Variants in CLSPN observed in about 807,000 individuals in gnomAD.
CLSPN encodes claspin, also known as claspin homolog.
In CLSPN, 85 loss-of-function variants were observed where a neutral mutation model predicts 156.3. The observed-to-expected ratio is 0.54, with a 90% CI of 0.46 to 0.65. The LOEUF is 0.65. Among genes scored for constraint, CLSPN ranks in the 30% least tolerant of loss-of-function variants. The pLI, the probability that CLSPN is intolerant of heterozygous loss-of-function variation, is 0.00. For synonymous variants in CLSPN, 534 were observed against 542.4 expected (o/e 0.98, Z 0.22); for missense variants, 1,407 against 1,554.9 (o/e 0.90, Z 1.60).
downstream of CLSPN, among the ~76,000 whole-genome samples, chr1:35,728,261 T>G (rs1012461961): frequency 6.6e-6 from 1 of 152,042 alleles, no homozygotes; most frequent in Non-Finnish European, 1.5e-5. Flanking sequence ...TTTGTATTTT[T>G]TGTAGAGATG....
At chr1:35,763,958 C>T (rs1419655568) in intron 3 of CLSPN, among the ~76,000 whole-genome samples, 1 of 152,022 alleles carries the variant, frequency 6.6e-6, no homozygotes, top group Non-Finnish European at 1.5e-5. Flanking sequence ...GGCCACCACA[C>T]CCAACTAATT....
chr1:35,729,978 A>G (rs1299889523), downstream of CLSPN, among the ~76,000 whole-genome samples: 1 of 151,266 alleles, frequency 6.6e-6, no homozygotes, highest in Non-Finnish European at 1.5e-5. Flanking sequence ...GCAAGGACTA[A>G]AGCTCTACAC....
chr1:35,726,626 G>C (rs1031790535), intron 24 of CLSPN, among the ~76,000 whole-genome samples: 2 of 152,204 alleles, frequency 1.3e-5, no homozygotes, highest in African/African-American at 4.8e-5. Context: ...ACCGTTAGCA[G>C]AACAGGGAGA....
chr1:35,753,663 C>T, intron 9 of CLSPN, 82 bp downstream of exon 9: 1 of 1,328,774 alleles, frequency 7.5e-7, no homozygotes, highest in Non-Finnish European at 1.1e-6. Context: ...TATAACTTTT[C>T]ATTATAAGGT....
intron 14 of CLSPN, 40 bp downstream of exon 14, chr1:35,747,867 C>G: frequency 4.4e-6 from 7 of 1,595,706 alleles, no homozygotes; most frequent in Non-Finnish European, 6.0e-6. Context: ...TAAGCAGTAC[C>G]CAGCACCATT....
Position 35,748,400 on chromosome 1 carries a change from C to G in CLSPN, c.2472+5G>C, listed in dbSNP as rs368047896. ...AGGAGATTAGAAAAACCATTACCAT[C>G]TTACCTTAGAAGCTGAGCTGACCAA... On this transcript the variant is annotated splice_donor_5th_base_variant and intron_variant, in intron 13 of 24. Coordinates refer to ENST00000318121, the MANE Select transcript of CLSPN (RefSeq NM_022111.4). 1 of 1,612,932 alleles carries G rather than the reference C, an allele frequency of 6.2e-7. No homozygotes were observed. Among genetic ancestry groups the G allele is most frequent in the Non-Finnish European group, 8.5e-7 (1 of 1,179,064 alleles).
chr1:35,727,689 G>A (rs973028349), downstream of CLSPN, among the ~76,000 whole-genome samples: 2 of 152,176 alleles, frequency 1.3e-5, no homozygotes, highest in Non-Finnish European at 2.9e-5. Context: ...TTCATTCAAC[G>A]AGCATTTGTT....
chr1:35,722,231 T>C (rs767558337), intron 24 of CLSPN, among the ~76,000 whole-genome samples: 4 of 151,354 alleles, frequency 2.6e-5, no homozygotes, highest in Non-Finnish European at 4.4e-5. Flanking sequence ...TCAATTCCAT[T>C]GTTCTAAAAA....
intron 1 of CLSPN, among the ~76,000 whole-genome samples, chr1:35,766,871 C>T (rs1212827028): frequency 6.6e-6 from 1 of 152,090 alleles, no homozygotes; most frequent in Non-Finnish European, 1.5e-5. Flanking sequence ...TCTCCAGCCT[C>T]AGCCTCCCGA....
At chr1:35,726,123 C>T (rs892260373) in intron 24 of CLSPN, among the ~76,000 whole-genome samples, 2 of 131,046 alleles carry the variant, frequency 1.5e-5, no homozygotes, top group Non-Finnish European at 3.1e-5. Context: ...GCCAGGTTTT[C>T]CTCACACACC....
intron 24 of CLSPN, among the ~76,000 whole-genome samples, chr1:35,726,337 G>A (rs1328839866): frequency 1.3e-5 from 2 of 152,014 alleles, no homozygotes; most frequent in Non-Finnish European, 2.9e-5. Context: ...CCTCTTCCCA[G>A]ACCCTTTCCT....
intron 4 of CLSPN, 67 bp downstream of exon 4, chr1:35,763,093 T>C: frequency 1.5e-6 from 2 of 1,293,628 alleles, no homozygotes; most frequent in Non-Finnish European, 1.0e-6. Context: ...GTTCCAACAG[T>C]AAATTAAAAA....
At chr1:35,721,890 G>T (rs1641080979) in intron 24 of CLSPN, among the ~76,000 whole-genome samples, 1 of 151,738 alleles carries the variant, frequency 6.6e-6, no homozygotes, top group Admixed American at 6.6e-5. Context: ...TGTAATCCCA[G>T]CACTTTGGGA....
chr1:35,739,601 C>A (rs1185946967), intron 18 of CLSPN, 72 bp from the exon 19 acceptor site: 4 of 1,145,414 alleles, frequency 3.5e-6, no homozygotes. Flanking sequence ...CAAAGAAAAG[C>A]AGAACAGAGT....
rs772624156 is a variant in CLSPN at position 35,739,471 on chromosome 1, C to T, written c.3202G>A (p.Glu1068Lys). 1.1e-4 allele frequency: 179 copies of T among 1,613,900 alleles called. No individual in the cohort carries two copies. The highest frequency in any genetic ancestry group is 1.5e-4 in the Non-Finnish European group (173 of 1,179,960). Residue 1068 changes from glutamate (E) to lysine (K), a missense_variant, in exon 19 of 25, where the codon GAA becomes AAA. This residue lies in a region of CLSPN where 70 missense variants were observed against 121.5 expected (regional missense o/e 0.58). Coordinates refer to ENST00000318121, the MANE Select transcript of CLSPN (RefSeq NM_022111.4). ...ATTTCTTCCCCATCATACTCATCTT[C>T]GCTTCCCACATCACTTCCTGACACC... ...AEVSGSDVGS[E>K]DEYDGEEIDE...
intron 9 of CLSPN, among the ~76,000 whole-genome samples, chr1:35,752,249 T>C (rs1245236094): frequency 6.6e-6 from 1 of 152,172 alleles, no homozygotes; most frequent in East Asian, 1.9e-4. Context: ...TGAGTCATGT[T>C]GTATTCATTC....
intron 18 of CLSPN, among the ~76,000 whole-genome samples, chr1:35,742,305 A>C (rs1343286569): frequency 6.6e-6 from 1 of 152,172 alleles, no homozygotes; most frequent in African/African-American, 2.4e-5. Flanking sequence ...GGGTAAATTT[A>C]ATCTTTCTGA....
At position 35,734,689 on chromosome 1, in the gene CLSPN, A is replaced by AAC. The variant is rs1553133410; in HGVS notation, c.*1806_*1807insGT. 1.6e-5 allele frequency: 9 copies of AAC among 554,958 alleles called. No individual in the cohort carries two copies. In the South Asian group the frequency reaches 7.3e-4, roughly 45 times the overall value. The allele number at this position is 554,958 out of a possible 1,614,324, so 34.4% of individuals were successfully genotyped here. A position where few individuals can be genotyped will look rare whatever the true frequency, so the allele number is the denominator to read the frequency against. ...CCAGCCTATGTCTCAAAAAAAAAAAAAGAAAAGAAAAGAAAAGAAAAAGAA... is the reference window on the plus strand; with the variant it reads ...CCAGCCTATGTCTCAAAAAAAAAAAAACAGAAAAGAAAAGAAAAGAAAAAGAA... On this transcript the variant is annotated 3_prime_UTR_variant, in exon 25 of 25. Coordinates refer to ENST00000318121, the MANE Select transcript of CLSPN (RefSeq NM_022111.4).
chr1:35,760,652 C>G lies in CLSPN; in HGVS notation c.1269G>C (p.Gly423=), dbSNP rs144651346. ...QKQSDIRPSP[G]DSSVLQQESN... ...ATTCCTGTTGCAACACTGAGCTGTC[C>G]CCAGGTGAAGGTCTAATGTCACTCT... Residue 423 remains glycine (G), a synonymous_variant, in exon 8 of 25, where the codon GGG becomes GGC. Coordinates refer to ENST00000318121, the MANE Select transcript of CLSPN (RefSeq NM_022111.4). The G allele has an allele frequency of 3.7e-6, 6 of 1,614,162 alleles. No individual in the cohort carries two copies. Among genetic ancestry groups the G allele is most frequent in the Middle Eastern group, 1.6e-4 (1 of 6,062 alleles).
Sources: gnomAD v4.1 joint callset for allele counts (sites outside exome capture counted in the v4.1 genomes callset) on GRCh38, gnomAD v4.1.1 for gene constraint, gnomAD v4.1.1 regional missense constraint, MANE v1.5 for transcripts, NCBI Gene and HGNC (gene_info 2026-07-23, HGNC 2026-07-21) for gene names.